The following CNTNAP4 variants were observed in gnomAD, a reference collection of about 807,000 sequenced individuals.
CNTNAP4 encodes the protein contactin-associated protein-like 4.
A neutral mutation model predicts 148.4 loss-of-function variants in CNTNAP4; 98 were observed. The observed-to-expected ratio is 0.66, with a 90% confidence interval of 0.56 to 0.78. The LOEUF is 0.78. Ranked by LOEUF, CNTNAP4 falls within the 30% of genes least tolerant of loss-of-function variation. The probability of loss-of-function intolerance (pLI) is 0.00; values close to 1 mark genes in which losing one functional copy is unlikely to be tolerated. For missense variants in CNTNAP4, 1,935 were observed against 1,565.6 expected, an observed-to-expected ratio of 1.24 and a Z score of -3.98; for synonymous variants, 730 against 565.1, an observed-to-expected ratio of 1.29 and a Z score of -4.14.
At chr16:76,522,954 G>C (rs2083552686) in intron 17 of CNTNAP4, among the ~76,000 whole-genome samples, 1 of 151,536 alleles carries the variant, frequency 6.6e-6, no homozygotes, top group African/African-American at 2.4e-5. Context: ...TAGTAGAAAT[G>C]GGGTTTTGCC....
At chr16:76,458,153 T>A (rs2080806490) in intron 8 of CNTNAP4, among the ~76,000 whole-genome samples, 1 of 152,224 alleles carries the variant, frequency 6.6e-6, no homozygotes, top group South Asian at 2.1e-4. Context: ...CTACATAATA[T>A]TCTGTGATGT....
chr16:76,532,788 CT>C, intron 17 of CNTNAP4, among the ~76,000 whole-genome samples: 1 of 152,210 alleles, frequency 6.6e-6, no homozygotes, highest in South Asian at 2.1e-4. Context: ...TGGCCAAAGA[CT>C]TTGAGCCCTG....
chr16:76,379,155 C>T (rs923746064), intron 3 of CNTNAP4, among the ~76,000 whole-genome samples: 4 of 152,108 alleles, frequency 2.6e-5, no homozygotes, highest in South Asian at 2.1e-4. Context: ...TAACTGAATC[C>T]GAGTCCTACT....
At chr16:76,508,516 TG>T (rs2082904375) in intron 15 of CNTNAP4, among the ~76,000 whole-genome samples, 1 of 84,144 alleles carries the variant, frequency 1.2e-5, no homozygotes, top group Non-Finnish European at 3.1e-5. Flanking sequence ...GATTATTTTA[TG>T]GTCTATTTTG....
chr16:76,541,347 C>G (rs1004342409), intron 21 of CNTNAP4, among the ~76,000 whole-genome samples: 2 of 152,198 alleles, frequency 1.3e-5, no homozygotes, highest in African/African-American at 4.8e-5. Flanking sequence ...AATTACAGCA[C>G]TGGAGTAGAA....
At chr16:76,388,677 T>A (rs1047891642) in intron 3 of CNTNAP4, among the ~76,000 whole-genome samples, 1 of 152,262 alleles carries the variant, frequency 6.6e-6, no homozygotes, top group African/African-American at 2.4e-5. Context: ...ATCTATTGAT[T>A]TATTGCCTGT....
intron 15 of CNTNAP4, among the ~76,000 whole-genome samples, chr16:76,499,065 A>ATTTTT (rs57402016): frequency 8.1e-6 from 1 of 122,780 alleles, no homozygotes; most frequent in African/African-American, 3.0e-5. Flanking sequence ...TTTTACCACA[A>ATTTTT]TTTTTTTTTT....
At chr16:76,418,893 A>C (rs796307618) in intron 3 of CNTNAP4, among the ~76,000 whole-genome samples, 1 of 152,002 alleles carries the variant, frequency 6.6e-6, no homozygotes, top group East Asian at 1.9e-4. Context: ...TATAGGTACT[A>C]TAGGTACCAG....
intron 2 of CNTNAP4, among the ~76,000 whole-genome samples, chr16:76,340,819 T>C (rs908074222): frequency 5.3e-5 from 8 of 152,180 alleles, no homozygotes; most frequent in Admixed American, 4.6e-4. Flanking sequence ...TCTTTTTCTC[T>C]CTGCTAAAAT....
chr16:76,285,621 A>G (rs1000094322), intron 1 of CNTNAP4, among the ~76,000 whole-genome samples: 1 of 152,092 alleles, frequency 6.6e-6, no homozygotes, highest in African/African-American at 2.4e-5. Flanking sequence ...AAATGGGGTC[A>G]TAGGTTGATA....
chr16:76,350,413 A>G (rs1366756734), intron 2 of CNTNAP4, among the ~76,000 whole-genome samples: 2 of 152,206 alleles, frequency 1.3e-5, no homozygotes, highest in Admixed American at 6.5e-5. Flanking sequence ...TTAAGTTAAT[A>G]CAACGTATAC....
chr16:76,314,322 C>G, intron 1 of CNTNAP4, among the ~76,000 whole-genome samples: 1 of 152,084 alleles, frequency 6.6e-6, no homozygotes, highest in East Asian at 1.9e-4. Flanking sequence ...GTCCGCAGTG[C>G]AAAGCAAAAG....
chr16:76,283,942 C>T (rs980512320), intron 1 of CNTNAP4, among the ~76,000 whole-genome samples: 3 of 151,932 alleles, frequency 2.0e-5, no homozygotes, highest in African/African-American at 7.2e-5. Context: ...AAAAATGCAT[C>T]CAACATTGTT....
At chr16:76,339,894 A>G (rs768833984) in intron 2 of CNTNAP4, among the ~76,000 whole-genome samples, 1 of 152,200 alleles carries the variant, frequency 6.6e-6, no homozygotes, top group Non-Finnish European at 1.5e-5. Context: ...ATTCTTTTAT[A>G]TTACAAAGCT....
In CNTNAP4 at chr16:76,449,389, T is replaced by A. The variant is rs2080370236; in HGVS notation, c.928-326T>A. Among the ~76,000 whole-genome samples the A allele has an allele frequency of 3.3e-5, 5 of 152,162 alleles. No homozygotes were observed. The South Asian group carries it at 1.0e-3, about 31-fold the overall frequency. On this transcript the variant is annotated intron_variant, in intron 6 of 23. Transcript: ENST00000611870. ...ATTCAAATGCTCAAATATCAATATG[T>A]GCTAGAAGCGTATCTAAAATAAAAT...
chr16:76,345,262 T>G (rs74538758), intron 2 of CNTNAP4, among the ~76,000 whole-genome samples: 19,833 of 152,078 alleles, frequency 0.13, 2,007 homozygotes, highest in East Asian at 0.49. Context: ...AGACCCACAT[T>G]CACTTCTAGG....
chr16:76,441,069 A>C (rs1356378481), intron 4 of CNTNAP4, among the ~76,000 whole-genome samples: 1 of 152,142 alleles, frequency 6.6e-6, no homozygotes, highest in Non-Finnish European at 1.5e-5. Flanking sequence ...CTTAGAGGCT[A>C]CAGCGGATCA....
Position 76,355,442 on chromosome 16 carries a change from C to T in CNTNAP4, c.321C>T (p.Thr107=). 1 of 1,613,210 alleles carries T rather than the reference C, an allele frequency of 6.2e-7. No homozygotes were observed. Among genetic ancestry groups the T allele is most frequent in the Non-Finnish European group, 8.5e-7 (1 of 1,179,550 alleles). ...QGGYGSSNWV[T]SYLLMFSDSG... ...GATATGGTAGCTCCAACTGGGTGAC[C>T]AGCTACCTCCTGATGTTCAGTGATA... is the stretch of plus-strand genomic sequence containing the variant. Residue 107 remains threonine (T), a synonymous_variant, in exon 3 of 24, where the codon ACC becomes ACT. Coordinates refer to ENST00000611870, the MANE Select transcript of CNTNAP4 (RefSeq NM_033401.5).
chr16:76,425,936 G>T (rs1198789480), intron 3 of CNTNAP4, among the ~76,000 whole-genome samples: 1 of 152,126 alleles, frequency 6.6e-6, no homozygotes, highest in African/African-American at 2.4e-5. Context: ...GAAGACATTG[G>T]GGGTGATGGC....
Sources: allele counts gnomAD v4.1 joint callset (sites outside exome capture counted in the v4.1 genomes callset), GRCh38; gene constraint gnomAD v4.1.1; transcripts MANE v1.5; gene names NCBI Gene and HGNC (gene_info 2026-07-23, HGNC 2026-07-21).